Variants in FOXN3 observed in about 807,000 individuals in gnomAD.
FOXN3 encodes forkhead box N3, also known as forkhead box protein N3.
Under a neutral mutation model 38.4 loss-of-function variants are expected in FOXN3, and 7 were observed. The ratio of observed to expected loss-of-function variants is 0.18; its 90% CI spans 0.10 to 0.34. The LOEUF (loss-of-function observed/expected upper bound fraction) is 0.34. Among genes scored for constraint, FOXN3 ranks in the 10% least tolerant of loss-of-function variants. The pLI is 1.00. For missense variants in FOXN3, 456 were observed against 613.4 expected, an observed-to-expected ratio of 0.74 and a Z score of 2.71; for synonymous variants, 230 against 242.2, an observed-to-expected ratio of 0.95 and a Z score of 0.47.
intron 3 of FOXN3, among the ~76,000 whole-genome samples, chr14:89,323,646 G>A (rs1184608575): frequency 6.6e-6 from 1 of 152,030 alleles, no homozygotes; most frequent in Non-Finnish European, 1.5e-5. Context: ...TTGAACCCAG[G>A]AGGCAGAGGT....
At chr14:89,340,747 T>C (rs756231640) in intron 3 of FOXN3, among the ~76,000 whole-genome samples, 1 of 151,918 alleles carries the variant, frequency 6.6e-6, no homozygotes. Flanking sequence ...TTGGAAATGA[T>C]CTTCTGCTTG....
At chr14:89,417,805 C>G (rs1891794468), upstream of FOXN3, 2 of 452,824 alleles carry the variant, frequency 4.4e-6, no homozygotes, top group Non-Finnish European at 8.9e-6. Context: ...AGGTAAGCAC[C>G]GCAGCGTCCC....
intron 1 of FOXN3, among the ~76,000 whole-genome samples, chr14:89,430,789 T>A (rs1333561826): frequency 6.6e-6 from 1 of 152,246 alleles, no homozygotes; most frequent in Non-Finnish European, 1.5e-5. Flanking sequence ...AACACTCATA[T>A]TCAAATACCA....
rs574212405 is a variant in FOXN3 at position 89,354,613 on chromosome 14, G to A, written c.544-3805C>T. On this transcript the variant is annotated intron_variant, in intron 2 of 5. Transcript: ENST00000557258. The stretch of plus-strand genomic sequence containing the variant: ...CTCATGCCTGTAATCCCAGCACTTT[G>A]GGAGGCCGAGGTGGGTGGATCACCT... 2.0e-4 allele frequency among the ~76,000 whole-genome samples: 30 copies of A among 150,800 alleles called. No homozygotes were observed. In the South Asian group the frequency reaches 5.9e-3, roughly 29 times the overall value.
At chr14:89,533,018 A>G (rs1278058322) in intron 1 of FOXN3, among the ~76,000 whole-genome samples, 1 of 152,240 alleles carries the variant, frequency 6.6e-6, no homozygotes, top group Non-Finnish European at 1.5e-5. Flanking sequence ...GAGAAAAACT[A>G]AATTGTTATA....
intron 1 of FOXN3, among the ~76,000 whole-genome samples, chr14:89,490,896 C>T (rs577675824): frequency 4.6e-5 from 7 of 152,186 alleles, no homozygotes; most frequent in African/African-American, 1.2e-4. Flanking sequence ...CTAGGTATGG[C>T]GAATCCTACA....
At chr14:89,357,910 C>T (rs749734244) in intron 2 of FOXN3, among the ~76,000 whole-genome samples, 1 of 152,210 alleles carries the variant, frequency 6.6e-6, no homozygotes, top group Non-Finnish European at 1.5e-5. Flanking sequence ...CTCCCCTCTG[C>T]TATACCCTCA....
intron 4 of FOXN3, among the ~76,000 whole-genome samples, chr14:89,260,663 G>A (rs977654148): frequency 1.3e-5 from 2 of 152,264 alleles, no homozygotes; most frequent in African/African-American, 4.8e-5. Flanking sequence ...AGAATGCTCC[G>A]GCACAGGCAA....
intron 2 of FOXN3, among the ~76,000 whole-genome samples, chr14:89,360,774 TCCACCA>T (rs1299216998): frequency 5.8e-5 from 2 of 34,568 alleles, no homozygotes; most frequent in African/African-American, 3.3e-4. Context: ...CACTACCACC[TCCACCA>T]CCACCTCCAC....
At chr14:89,347,835 C>T (rs1888810933) in intron 3 of FOXN3, among the ~76,000 whole-genome samples, 1 of 152,124 alleles carries the variant, frequency 6.6e-6, no homozygotes, top group South Asian at 2.1e-4. Flanking sequence ...GCCTGTAGTC[C>T]CAGCTACTCT....
At chr14:89,402,990 C>T (rs138899886) in intron 2 of FOXN3, among the ~76,000 whole-genome samples, 39 of 152,274 alleles carry the variant, frequency 2.6e-4, no homozygotes, top group East Asian at 1.9e-3. Flanking sequence ...ATTCAAAACT[C>T]GCCCATCACT....
chr14:89,338,494 C>A (rs545162979), intron 3 of FOXN3, among the ~76,000 whole-genome samples: 7 of 152,186 alleles, frequency 4.6e-5, no homozygotes, highest in Admixed American at 6.5e-5. Flanking sequence ...TATATAAGGG[C>A]CAAACTGGTA....
At position 89,163,575 on chromosome 14, in the gene FOXN3, G is replaced by A. The variant is rs1051357481; in HGVS notation, c.852-606C>T. ...TGGGGGAGGGACACGGGGTTGGATC[G>A]GATATAGACACTGCCACAGCGATGT... is the stretch of plus-strand genomic sequence containing the variant. On this transcript the variant is annotated intron_variant, in intron 5 of 5. Coordinates refer to ENST00000557258, the MANE Select transcript of FOXN3 (RefSeq NM_005197.4). This position sits in a 1 kb window ranked among gnomAD's most constrained non-coding sequence, Gnocchi z 4.3. 2.7e-4 allele frequency among the ~76,000 whole-genome samples: 41 copies of A among 152,258 alleles called. No individual in the cohort carries two copies. The highest frequency in any genetic ancestry group is 9.4e-4 in the African/African-American group (39 of 41,546).
At chr14:89,315,668 A>G (rs1270630838) in intron 3 of FOXN3, among the ~76,000 whole-genome samples, 1 of 152,224 alleles carries the variant, frequency 6.6e-6, no homozygotes, top group African/African-American at 2.4e-5. Context: ...AACTGCAGGG[A>G]ATTTTAGATG....
chr14:89,415,039 T>C (rs1596261655), intron 1 of FOXN3, among the ~76,000 whole-genome samples: 1 of 152,360 alleles, frequency 6.6e-6, no homozygotes, highest in Non-Finnish European at 1.5e-5. Flanking sequence ...CAGAGTCTGG[T>C]CTGATCCTGC....
At chr14:89,252,799 G>A (rs1218948311) in intron 4 of FOXN3, among the ~76,000 whole-genome samples, 1 of 152,142 alleles carries the variant, frequency 6.6e-6, no homozygotes, top group African/African-American at 2.4e-5. Flanking sequence ...GTTAAAGTAT[G>A]CAAAGATATT....
chr14:89,214,425 T>C (rs1301236115), intron 4 of FOXN3, among the ~76,000 whole-genome samples: 1 of 152,198 alleles, frequency 6.6e-6, no homozygotes, highest in Non-Finnish European at 1.5e-5. Flanking sequence ...TCTCTTCACA[T>C]CTATTTGCTC....
intron 3 of FOXN3, among the ~76,000 whole-genome samples, chr14:89,323,697 C>A (rs1003732287): frequency 2.7e-5 from 4 of 149,106 alleles, no homozygotes; most frequent in Non-Finnish European, 5.9e-5. Context: ...CCAGCCTGGG[C>A]AACAGAATGA....
At chr14:89,376,965 G>C (rs1416713907) in intron 2 of FOXN3, among the ~76,000 whole-genome samples, 1 of 135,740 alleles carries the variant, frequency 7.4e-6, no homozygotes, top group African/African-American at 2.7e-5. Flanking sequence ...AGATTGCAGT[G>C]AGCCGAGACT....
Sources: gnomAD v4.1 joint callset for allele counts (sites outside exome capture counted in the v4.1 genomes callset) on GRCh38, gnomAD v4.1.1 for gene constraint, Gnocchi (gnomAD v3.1) non-coding constraint, MANE v1.5 for transcripts, NCBI Gene and HGNC (gene_info 2026-07-23, HGNC 2026-07-21) for gene names.